The following LHCGR variants were observed in gnomAD, a reference collection of about 807,000 sequenced individuals.
LHCGR encodes the protein lutropin-choriogonadotropic hormone receptor.
In LHCGR, 55 loss-of-function variants were observed where a neutral mutation model predicts 60.7. The ratio of observed to expected loss-of-function variants is 0.91; its 90% CI spans 0.73 to 1.13. The LOEUF (loss-of-function observed/expected upper bound fraction) is 1.13. LHCGR is among the 50% of genes most tolerant of loss of function. The pLI is 0.00. For missense variants in LHCGR, 862 were observed against 836.0 expected (o/e 1.03, Z -0.38); for synonymous variants, 337 against 316.5 (o/e 1.06, Z -0.69).
intron 1 of LHCGR, among the ~76,000 whole-genome samples, chr2:48,752,323 G>T (rs1572900937): frequency 6.6e-6 from 1 of 152,060 alleles, no homozygotes; most frequent in South Asian, 2.1e-4. Context: ...AGAAGGTAAG[G>T]TTACTAGGAC....
At chr2:48,748,465 C>T (rs1669807390) in intron 1 of LHCGR, among the ~76,000 whole-genome samples, 1 of 152,128 alleles carries the variant, frequency 6.6e-6, no homozygotes, top group Non-Finnish European at 1.5e-5. Context: ...TAAGTTTGGG[C>T]TGAAAAGGCC....
At position 48,711,590 on chromosome 2, in the gene LHCGR, T is replaced by G. The variant is rs147812559; in HGVS notation, c.605+2396A>C. ...ATCTCTGTAACAGCTGATATGCTGCTGACCATCTGAAATCTTCCCTCCTAA... is the reference window on the plus strand; with the variant it reads ...ATCTCTGTAACAGCTGATATGCTGCGGACCATCTGAAATCTTCCCTCCTAA... On this transcript the variant is annotated intron_variant, in intron 7 of 10. Transcript: ENST00000294954. Among the ~76,000 whole-genome samples, 1,224 of 152,318 alleles carry G rather than the reference T, an allele frequency of 8.0e-3. 8 individuals are homozygous for G. Among genetic ancestry groups the G allele is most frequent in the Middle Eastern group, 0.031 (9 of 294 alleles).
intron 7 of LHCGR, among the ~76,000 whole-genome samples, chr2:48,710,688 C>G (rs897911894): frequency 6.6e-6 from 1 of 152,182 alleles, no homozygotes; most frequent in African/African-American, 2.4e-5. Context: ...ACAGTATGGA[C>G]TGACTCCTAG....
At chr2:48,729,300 A>G (rs1668881847) in intron 2 of LHCGR, 73 bp from the exon 3 acceptor site, 1 of 1,154,186 alleles carries the variant, frequency 8.7e-7, no homozygotes, top group Non-Finnish European at 1.3e-6. Context: ...ATTATGAGCT[A>G]TGTGTGTGAC....
chr2:48,707,860 C>T (rs576067560), intron 8 of LHCGR, among the ~76,000 whole-genome samples: 42 of 152,326 alleles, frequency 2.8e-4, no homozygotes, highest in South Asian at 8.3e-4. Context: ...TCCTGGTCTG[C>T]TGGTTGTGAA....
At chr2:48,742,769 C>A (rs202015468) in intron 1 of LHCGR, among the ~76,000 whole-genome samples, 22,229 of 151,948 alleles carry the variant, frequency 0.15, 2,129 homozygotes, top group East Asian at 0.32. Flanking sequence ...ACCCTAACAT[C>A]ACAATTAAAA....
chr2:48,708,230 A>G (rs1294068705), intron 8 of LHCGR, among the ~76,000 whole-genome samples: 1 of 152,146 alleles, frequency 6.6e-6, no homozygotes, highest in Non-Finnish European at 1.5e-5. Flanking sequence ...GCACCCTCAG[A>G]GAGTCTGACA....
At chr2:48,692,102 C>G (rs979220870) in intron 10 of LHCGR, among the ~76,000 whole-genome samples, 15 of 152,104 alleles carry the variant, frequency 9.9e-5, no homozygotes, top group African/African-American at 3.6e-4. Context: ...AATGCAGACC[C>G]CTGGCTTTAC....
intron 7 of LHCGR, among the ~76,000 whole-genome samples, chr2:48,712,602 A>C (rs572806742): frequency 1.3e-5 from 2 of 152,178 alleles, no homozygotes; most frequent in Non-Finnish European, 2.9e-5. Context: ...AAAATTCTAC[A>C]ATTTCTTGAA....
chr2:48,742,381 G>A (rs1425806917), intron 1 of LHCGR, among the ~76,000 whole-genome samples: 1 of 150,694 alleles, frequency 6.6e-6, no homozygotes, highest in Non-Finnish European at 1.5e-5. Flanking sequence ...CAAATCAACA[G>A]AATATACATT....
chr2:48,721,872 CG>C (rs901837757), intron 6 of LHCGR: 13 of 445,340 alleles, frequency 2.9e-5, no homozygotes, highest in Non-Finnish European at 3.7e-5. Flanking sequence ...GAAATGAGGC[CG>C]GGGGGTGGTG....
intron 8 of LHCGR, 167 bp downstream of exon 8, chr2:48,708,781 T>C: frequency 4.3e-6 from 3 of 704,128 alleles, no homozygotes; most frequent in South Asian, 1.6e-5. Flanking sequence ...CGGTTTGGGG[T>C]ACTTTATTAT....
intron 1 of LHCGR, among the ~76,000 whole-genome samples, chr2:48,751,867 A>G (rs1456867472): frequency 6.6e-6 from 1 of 152,254 alleles, no homozygotes; most frequent in Non-Finnish European, 1.5e-5. Context: ...TAGGTACAAC[A>G]TGCAAAAAAT....
chr2:48,753,805 AGTGTGTGTGTGT>A (rs70946826), intron 1 of LHCGR, among the ~76,000 whole-genome samples: 1 of 149,930 alleles, frequency 6.7e-6, no homozygotes, highest in African/African-American at 2.4e-5. Context: ...GGAGAAACTG[AGTGTGTGTGTGT>A]GTGTGTGTGT....
intron 2 of LHCGR, among the ~76,000 whole-genome samples, chr2:48,730,214 C>G (rs1668929925): frequency 6.6e-6 from 1 of 152,142 alleles, no homozygotes; most frequent in Non-Finnish European, 1.5e-5. Flanking sequence ...ATGGATTATT[C>G]TTGGCTGATT....
chr2:48,719,216 G>C (rs1668395800), intron 6 of LHCGR, among the ~76,000 whole-genome samples: 1 of 152,132 alleles, frequency 6.6e-6, no homozygotes, highest in Non-Finnish European at 1.5e-5. Context: ...CAGCTACTTG[G>C]GAGGCTGAGG....
intron 2 of LHCGR, 37 bp from the exon 3 acceptor site, chr2:48,729,264 A>C: frequency 3.5e-6 from 5 of 1,444,860 alleles, no homozygotes; most frequent in Non-Finnish European, 4.8e-6. Context: ...AGAAAGAAAC[A>C]TGAAAGAAAT....
At chr2:48,706,487 C>G (rs1030436224) in intron 8 of LHCGR, among the ~76,000 whole-genome samples, 1 of 152,186 alleles carries the variant, frequency 6.6e-6, no homozygotes, top group Non-Finnish European at 1.5e-5. Context: ...GGAGTGTTTT[C>G]TAACTTGGTT....
rs900261458 is a variant in LHCGR, at chr2:48,714,007, T to C, written c.584A>G (p.Asn195Ser). 5 of 1,612,212 alleles carry C rather than the reference T, an allele frequency of 3.1e-6. No individual in the cohort carries two copies. The highest frequency in any genetic ancestry group is 3.4e-6 in the Non-Finnish European group (4 of 1,178,436). Residue 195 changes from asparagine (N) to serine (S), a missense_variant, in exon 7 of 11, where the codon AAT (asparagine) becomes AGT (serine). Physicochemically the swap from Asn to Ser is conservative, Grantham distance 46. Coordinates refer to ENST00000294954, the MANE Select transcript of LHCGR (RefSeq NM_000233.4). ...TTACAGTGAAGTCAGTGTCGTCCCA[T>C]TGAATGCATGACTTTGTACTTCTTC... ...GFEEVQSHAF[N>S]GTTLTSLELK...
Sources: allele counts gnomAD v4.1 joint callset (sites outside exome capture counted in the v4.1 genomes callset), GRCh38; gene constraint gnomAD v4.1.1; transcripts MANE v1.5; gene names NCBI Gene and HGNC (gene_info 2026-07-23, HGNC 2026-07-21).